Variants in KIAA0232 observed in about 807,000 individuals in gnomAD.
KIAA0232 encodes the protein KIAA0232.
A neutral mutation model predicts 122.0 loss-of-function variants in KIAA0232; 27 were observed. The observed-to-expected ratio is 0.22, with a 90% confidence interval of 0.16 to 0.31. The LOEUF (loss-of-function observed/expected upper bound fraction) is 0.31, where lower values mean the gene tolerates loss of function less well. Among genes scored for constraint, KIAA0232 ranks in the 10% least tolerant of loss-of-function variants. The probability of loss-of-function intolerance (pLI) is 1.00; values close to 1 mark genes in which losing one functional copy is unlikely to be tolerated. For missense variants in KIAA0232, 1,551 were observed against 1,634.2 expected, an observed-to-expected ratio of 0.95 and a Z score of 0.88; for synonymous variants, 613 against 587.6, an observed-to-expected ratio of 1.04 and a Z score of -0.63.
chr4:6,804,250 G>C (rs902777009), intron 1 of KIAA0232, among the ~76,000 whole-genome samples: 4 of 152,104 alleles, frequency 2.6e-5, no homozygotes, highest in African/African-American at 9.7e-5. Context: ...TCCTGCTCTA[G>C]CGGGCCTCCC....
chr4:6,805,902 T>A (rs532057969), intron 2 of KIAA0232, among the ~76,000 whole-genome samples: 1 of 152,306 alleles, frequency 6.6e-6, no homozygotes, highest in East Asian at 1.9e-4. Flanking sequence ...TAAAATTTAG[T>A]TGTTTCGTCC....
intron 1 of KIAA0232, among the ~76,000 whole-genome samples, chr4:6,787,578 T>G (rs1028613996): frequency 6.6e-6 from 1 of 152,234 alleles, no homozygotes; most frequent in African/African-American, 2.4e-5. Context: ...AGACTTCCTT[T>G]CTTGACCAGA....
chr4:6,813,718 C>T (rs1362568944), intron 2 of KIAA0232, among the ~76,000 whole-genome samples: 1 of 152,082 alleles, frequency 6.6e-6, no homozygotes, highest in Non-Finnish European at 1.5e-5. Flanking sequence ...TTTATTATAT[C>T]ACCCTGAAAA....
Position 6,881,051 on chromosome 4 carries a change from C to A in KIAA0232, c.*85C>A. ...AGTGAGACCTGTTAATCTAAAACAA[C>A]AACTTAGGTTTCCTCTTCAATTAAC... On this transcript the variant is annotated 3_prime_UTR_variant, in exon 10 of 10. Transcript: ENST00000307659. 1.0e-6 allele frequency: 1 copy of A among 985,522 alleles called. No homozygotes were observed. The highest frequency in any genetic ancestry group is 1.4e-6 in the Non-Finnish European group (1 of 726,276). 61.0% of individuals were successfully genotyped at this position (985,522 alleles called of 1,614,324 possible).
intron 4 of KIAA0232, among the ~76,000 whole-genome samples, chr4:6,851,165 T>TA (rs1203615319): frequency 6.6e-6 from 1 of 152,238 alleles, no homozygotes; most frequent in Admixed American, 6.5e-5. Flanking sequence ...ATTACTTTGT[T>TA]ACATGCCCAT....
At position 6,876,645 on chromosome 4, in the gene KIAA0232, TTC is replaced by T; in HGVS notation, c.3911-14_3911-13del. On this transcript the variant is annotated splice_polypyrimidine_tract_variant and intron_variant, in intron 8 of 9. Transcript: ENST00000307659. ...CCCTTTCCCTCTTTTCCCTTCTCCA[TTC>T]CAAATGATTAAGAATGTTACACAAA... The T allele has an allele frequency of 6.5e-7, 1 of 1,543,330 alleles. No homozygotes were observed. The highest frequency in any genetic ancestry group is 1.7e-4 in the Middle Eastern group (1 of 5,940).
intron 1 of KIAA0232, among the ~76,000 whole-genome samples, chr4:6,799,984 C>T (rs1012394549): frequency 2.0e-5 from 3 of 150,730 alleles, no homozygotes; most frequent in Admixed American, 6.6e-5. Flanking sequence ...TGAGCCACTC[C>T]GCCTTGCTGG....
Position 6,860,984 on chromosome 4 carries a change from G to C in KIAA0232, c.602G>C (p.Cys201Ser), listed in dbSNP as rs1438403068. ...IMTVWNKSKV[C>S]SYSSSSSSST... is the part of the protein sequence containing the mutation. ...ACTGTGTGGAACAAGTCTAAAGTCT[G>C]TTCTTACTCTAGCTCTTCTTCATCA... Residue 201 changes from cysteine to serine, a missense_variant, in exon 7 of 10, where the codon TGT becomes TCT. Physicochemically the swap from Cys to Ser is moderately radical, Grantham distance 112. Transcript: ENST00000307659. 1 of 1,614,138 alleles carries C rather than the reference G, an allele frequency of 6.2e-7. No homozygotes were observed. Among genetic ancestry groups the C allele is most frequent in the Admixed American group, 1.7e-5 (1 of 60,022 alleles).
chr4:6,826,726 AGTAGGACTTGAACTTCTCAT>A (rs1718705893), intron 3 of KIAA0232, among the ~76,000 whole-genome samples: 1 of 152,178 alleles, frequency 6.6e-6, no homozygotes, highest in Non-Finnish European at 1.5e-5. Flanking sequence ...ATAGTTTTTT[AGTAGGACTTGAACTTCTCAT>A]TTCTTAAGAG....
chr4:6,788,182 C>T (rs147729823), intron 1 of KIAA0232, among the ~76,000 whole-genome samples: 32 of 152,230 alleles, frequency 2.1e-4, no homozygotes, highest in Admixed American at 6.5e-5. Flanking sequence ...AGGCACATAA[C>T]GCCTGGCTAA....
chr4:6,796,796 T>G (rs866961126), intron 1 of KIAA0232, among the ~76,000 whole-genome samples: 1 of 152,070 alleles, frequency 6.6e-6, no homozygotes, highest in Non-Finnish European at 1.5e-5. Context: ...GCTCGTAGGG[T>G]GTCTTTGAGA....
At chr4:6,839,005 T>A (rs1211481270) in intron 3 of KIAA0232, among the ~76,000 whole-genome samples, 1 of 152,130 alleles carries the variant, frequency 6.6e-6, no homozygotes, top group Non-Finnish European at 1.5e-5. Context: ...GGCGCATGCC[T>A]GCAATCCCAG....
chr4:6,835,818 G>T (rs981916518), intron 3 of KIAA0232, among the ~76,000 whole-genome samples: 5 of 152,134 alleles, frequency 3.3e-5, no homozygotes, highest in Non-Finnish European at 7.4e-5. Flanking sequence ...TTATGGCTGC[G>T]TAGTATTCCA....
At chr4:6,809,858 G>A (rs980920391) in intron 2 of KIAA0232, among the ~76,000 whole-genome samples, 1 of 152,018 alleles carries the variant, frequency 6.6e-6, no homozygotes, top group African/African-American at 2.4e-5. Context: ...AAGGTACCTA[G>A]GAATACATTT....
rs577912268 is a variant in KIAA0232, at chr4:6,850,808, T to C, written c.370-6356T>C. Among the ~76,000 whole-genome samples the C allele has an allele frequency of 2.0e-5, 3 of 152,280 alleles. No individual in the cohort carries two copies. In the East Asian group the frequency reaches 5.8e-4, roughly 29 times the overall value. On this transcript the variant is annotated intron_variant, in intron 4 of 9. Transcript: ENST00000307659. ...CCTCAGCCTCCCGAGTAGCTGGGACTACAGGCACATGCCACCACGCCCAGC... is the reference window on the plus strand; with the variant it reads ...CCTCAGCCTCCCGAGTAGCTGGGACCACAGGCACATGCCACCACGCCCAGC...
At chr4:6,877,727 G>A (rs1721831499) in intron 9 of KIAA0232, among the ~76,000 whole-genome samples, 1 of 152,160 alleles carries the variant, frequency 6.6e-6, no homozygotes, top group Non-Finnish European at 1.5e-5. Context: ...CACGCTGGCA[G>A]CTGACTAGAT....
chr4:6,827,842 T>A (rs925787384), intron 3 of KIAA0232, among the ~76,000 whole-genome samples: 2 of 152,226 alleles, frequency 1.3e-5, no homozygotes, highest in Non-Finnish European at 2.9e-5. Context: ...ATACGGTCAC[T>A]GTGCCAGTAG....
chr4:6,863,373 A>T lies in KIAA0232; in HGVS notation c.2991A>T (p.Glu997Asp). Residue 997 changes from glutamate (E) to aspartate (D), a missense_variant, in exon 7 of 10, where the codon GAA (glutamate) becomes GAT (aspartate). Around this residue, in one of 5 missense-constraint regions of KIAA0232, gnomAD observed 1,108 missense variants for 1,154.8 expected, o/e 0.96. Coordinates refer to ENST00000307659, the MANE Select transcript of KIAA0232 (RefSeq NM_014743.3). The stretch of plus-strand genomic sequence containing the variant: ...TATGGAAACCCTTCGTGTCATTTGA[A>T]CAGAATGATCAGCCGAAGAGTGGGG... ...RQLWKPFVSF[E>D]QNDQPKSGEN... 6.2e-7 allele frequency: 1 copy of T among 1,614,228 alleles called. No homozygotes were observed. Among genetic ancestry groups the T allele is most frequent in the South Asian group, 1.1e-5 (1 of 91,086 alleles).
At chr4:6,864,935 A>C (rs1721092887) in intron 7 of KIAA0232, among the ~76,000 whole-genome samples, 1 of 152,134 alleles carries the variant, frequency 6.6e-6, no homozygotes, top group Admixed American at 6.6e-5. Flanking sequence ...ATCTCTATGG[A>C]GTTCTCAAAA....
Sources: gnomAD v4.1 joint callset for allele counts (sites outside exome capture counted in the v4.1 genomes callset) on GRCh38, gnomAD v4.1.1 for gene constraint, gnomAD v4.1.1 regional missense constraint, MANE v1.5 for transcripts, NCBI Gene and HGNC (gene_info 2026-07-23, HGNC 2026-07-21) for gene names.